Variants in ZNF704 observed in about 807,000 individuals in gnomAD.
ZNF704 encodes glucocorticoid induced gene 1.
Under a neutral mutation model 44.7 loss-of-function variants are expected in ZNF704, and 10 were observed. The observed-to-expected ratio is 0.22, with a 90% CI of 0.14 to 0.38. The LOEUF (loss-of-function observed/expected upper bound fraction) is 0.38, where lower values mean the gene tolerates loss of function less well. Ranked by LOEUF, ZNF704 falls within the 10% of genes least tolerant of loss-of-function variation. ZNF704 has a pLI of 1.00. For missense variants in ZNF704, 390 were observed against 545.5 expected, an observed-to-expected ratio of 0.71 and a Z score of 2.84; for synonymous variants, 211 against 207.6, an observed-to-expected ratio of 1.02 and a Z score of -0.14.
At chr8:80,724,231 T>C (rs536451325) in intron 2 of ZNF704, among the ~76,000 whole-genome samples, 2 of 152,284 alleles carry the variant, frequency 1.3e-5, no homozygotes, top group Non-Finnish European at 2.9e-5. Flanking sequence ...ATGTAGGAGG[T>C]AGTTTGACAG....
At chr8:80,878,291 A>G (rs1809385492), upstream of ZNF704, among the ~76,000 whole-genome samples, 3 of 152,038 alleles carry the variant, frequency 2.0e-5, no homozygotes, top group African/African-American at 7.2e-5. Context: ...GAAGGAAGGA[A>G]GGAAGGAAGG....
chr8:80,672,754 C>G (rs562392005), intron 4 of ZNF704, among the ~76,000 whole-genome samples: 9 of 152,152 alleles, frequency 5.9e-5, no homozygotes, highest in African/African-American at 1.9e-4. Context: ...ACACTGGGGA[C>G]TACTAGAGGA....
intron 1 of ZNF704, among the ~76,000 whole-genome samples, chr8:80,841,065 G>A (rs961321761): frequency 6.6e-6 from 1 of 152,208 alleles, no homozygotes; most frequent in Non-Finnish European, 1.5e-5. Flanking sequence ...ACAAGTCTGA[G>A]CTAGCAAGAA....
chr8:80,738,531 G>A (rs1023353183), intron 2 of ZNF704, among the ~76,000 whole-genome samples: 3 of 151,610 alleles, frequency 2.0e-5, no homozygotes, highest in African/African-American at 7.3e-5. Context: ...CACAGCTAGC[G>A]AGACTTGGCA....
At chr8:80,856,018 C>T (rs934601340) in intron 1 of ZNF704, among the ~76,000 whole-genome samples, 3 of 152,270 alleles carry the variant, frequency 2.0e-5, no homozygotes, top group South Asian at 2.1e-4. Context: ...AGTGCAGTTG[C>T]GTGATCATAG....
chr8:80,787,851 T>C (rs1231908305), intron 2 of ZNF704, among the ~76,000 whole-genome samples: 1 of 152,224 alleles, frequency 6.6e-6, no homozygotes, highest in Non-Finnish European at 1.5e-5. Context: ...AAGGAATTTA[T>C]TTCTTTTAAA....
chr8:80,754,719 T>A (rs1037514109), intron 2 of ZNF704, among the ~76,000 whole-genome samples: 1 of 152,174 alleles, frequency 6.6e-6, no homozygotes, highest in Admixed American at 6.5e-5. Flanking sequence ...TCCCCTGCAG[T>A]TAGGCATGAC....
Position 80,870,190 on chromosome 8 carries a change from AT to A in ZNF704, c.-22+4380del, listed in dbSNP as rs149913296. On this transcript the variant is annotated intron_variant, in intron 1 of 8. Coordinates refer to ENST00000327835, the MANE Select transcript of ZNF704 (RefSeq NM_001033723.3). ...AAGAACTGTTTTAAAGCAAAAAAAA[AT>A]TTGTAGTAATTTGTTACACTACACT... is the stretch of plus-strand genomic sequence containing the variant. 3.8e-3 allele frequency among the ~76,000 whole-genome samples: 573 copies of A among 152,270 alleles called. 3 individuals are homozygous for A. Among genetic ancestry groups the A allele is most frequent in the African/African-American group, 0.013 (551 of 41,520 alleles).
Position 80,643,080 on chromosome 8 carries a change from G to T in ZNF704, c.1082C>A (p.Ala361Glu), listed in dbSNP as rs765187914. 1 of 1,605,078 alleles carries T rather than the reference G, an allele frequency of 6.2e-7. No individual in the cohort carries two copies. The highest frequency in any genetic ancestry group is 1.3e-5 in the African/African-American group (1 of 74,596). The change falls in exon 8 of 9, where the codon GCG becomes GAG. Residue 361 changes from alanine (A) to glutamate (E), a missense_variant. Around this residue, in one of 3 missense-constraint regions of ZNF704, gnomAD observed 305 missense variants for 435.7 expected, o/e 0.70. Transcript: ENST00000327835. ...GGGTGGGGAGGACAGGACCGTGTGC[G>T]CATGCTGTCTCTGCTCTCCTGTGCC... The part of the protein sequence containing the change: ...PVGTGEQRQH[A>E]HTVLSSPPRG...
intron 1 of ZNF704, among the ~76,000 whole-genome samples, chr8:80,831,561 A>G (rs1029059678): frequency 6.6e-6 from 1 of 152,256 alleles, no homozygotes; most frequent in African/African-American, 2.4e-5. Flanking sequence ...CTAAGCAGGA[A>G]AAGTGTTCAA....
intron 2 of ZNF704, among the ~76,000 whole-genome samples, chr8:80,720,100 C>T (rs1209159257): frequency 6.6e-6 from 1 of 152,238 alleles, no homozygotes; most frequent in South Asian, 2.1e-4. Context: ...AAAATCCACG[C>T]ATTTCCCAGG....
At chr8:80,878,148 C>T (rs1809380027), upstream of ZNF704, among the ~76,000 whole-genome samples, 1 of 152,062 alleles carries the variant, frequency 6.6e-6, no homozygotes, top group South Asian at 2.1e-4. Context: ...CTGGCTGGCT[C>T]CTGTCTGGTT....
At chr8:80,679,426 G>C (rs986986981) in intron 4 of ZNF704, among the ~76,000 whole-genome samples, 1 of 152,160 alleles carries the variant, frequency 6.6e-6, no homozygotes, top group African/African-American at 2.4e-5. Context: ...TTGCTGCATG[G>C]GTCCAAGCCT....
intron 1 of ZNF704, among the ~76,000 whole-genome samples, chr8:80,861,890 C>T (rs563478255): frequency 6.6e-6 from 1 of 151,566 alleles, no homozygotes; most frequent in South Asian, 2.1e-4. Flanking sequence ...GAATCTTCTC[C>T]TTCTCCATAC....
intron 2 of ZNF704, among the ~76,000 whole-genome samples, chr8:80,786,750 T>C (rs749887785): frequency 2.0e-5 from 3 of 152,190 alleles, no homozygotes; most frequent in Non-Finnish European, 4.4e-5. Context: ...GATGTTGTGA[T>C]GGAAACTCCT....
intron 2 of ZNF704, among the ~76,000 whole-genome samples, chr8:80,720,535 A>G (rs1819147059): frequency 6.6e-6 from 1 of 152,220 alleles, no homozygotes; most frequent in Non-Finnish European, 1.5e-5. Flanking sequence ...TAACTCAGCA[A>G]TAGAGATGGC....
intron 3 of ZNF704, 51 bp downstream of exon 3, chr8:80,692,953 C>A: frequency 6.6e-7 from 1 of 1,523,158 alleles, no homozygotes; most frequent in East Asian, 2.3e-5. Context: ...AAGAAAGGCC[C>A]TGCTCTTGGT....
chr8:80,690,044 G>T (rs1291301894), intron 3 of ZNF704, among the ~76,000 whole-genome samples: 4 of 144,540 alleles, frequency 2.8e-5, no homozygotes, highest in Non-Finnish European at 6.0e-5. Context: ...TAATTCTAGA[G>T]AAAATCTTTT....
At chr8:80,785,494 A>G (rs1807598659) in intron 2 of ZNF704, among the ~76,000 whole-genome samples, 1 of 152,230 alleles carries the variant, frequency 6.6e-6, no homozygotes, top group African/African-American at 2.4e-5. Context: ...TTCTTCTGCA[A>G]GGTGACTTAC....
Sources: gnomAD v4.1 joint callset for allele counts (sites outside exome capture counted in the v4.1 genomes callset) on GRCh38, gnomAD v4.1.1 for gene constraint, gnomAD v4.1.1 regional missense constraint, MANE v1.5 for transcripts, NCBI Gene and HGNC (gene_info 2026-07-23, HGNC 2026-07-21) for gene names.